The following ABCB11 variants were observed in gnomAD, a reference collection of about 807,000 sequenced individuals.
The protein encoded by ABCB11 is ATP binding cassette subfamily B member 11.
In ABCB11, 95 loss-of-function variants were observed where a neutral mutation model predicts 148.0. The observed-to-expected ratio is 0.64, with a 90% CI of 0.54 to 0.76. The LOEUF is 0.76. ABCB11 is among the 30% of genes least tolerant of loss of function. The pLI, the probability that ABCB11 is intolerant of heterozygous loss-of-function variation, is 0.00. For missense variants in ABCB11, 1,523 were observed against 1,617.8 expected, an observed-to-expected ratio of 0.94 and a Z score of 1.01; for synonymous variants, 591 against 555.4, an observed-to-expected ratio of 1.06 and a Z score of -0.90.
At chr2:168,936,553 C>T in intron 21 of ABCB11, 120 bp from the exon 22 acceptor site, 1 of 846,658 alleles carries the variant, frequency 1.2e-6, no homozygotes, top group Non-Finnish European at 1.8e-6. Context: ...CAATATATAT[C>T]ATTTTAACCA....
intron 19 of ABCB11, among the ~76,000 whole-genome samples, chr2:168,955,985 C>T (rs1227350423): frequency 1.3e-5 from 2 of 151,592 alleles, no homozygotes; most frequent in African/African-American, 2.4e-5. Flanking sequence ...CCTTGTCTCA[C>T]ATCCAGGCCA....
chr2:168,996,572 A>C lies in ABCB11; in HGVS notation c.477+63T>G, dbSNP rs145467600. 381 of 957,782 alleles carry C rather than the reference A, an allele frequency of 4.0e-4. 4 individuals carry two copies. The East Asian group carries it at 0.012, about 30-fold the overall frequency. 59.3% of individuals were successfully genotyped at this position (957,782 alleles called of 1,614,324 possible). A position where few individuals can be genotyped will look rare whatever the true frequency, so the allele number is the denominator to read the frequency against. On this transcript the variant is annotated intron_variant, in intron 6 of 27. Transcript: ENST00000650372. ...AGCTTAAAGAGTGGCAACACATTGC[A>C]TCTCATTGTAGTGTCTTTGAGGTCA...
chr2:168,924,445 C>A (rs1691214425), intron 27 of ABCB11, among the ~76,000 whole-genome samples: 1 of 152,102 alleles, frequency 6.6e-6, no homozygotes. Flanking sequence ...ATCTTAAAAA[C>A]AATTCTTATT....
intron 21 of ABCB11, among the ~76,000 whole-genome samples, chr2:168,942,610 T>A (rs1387604204): frequency 6.6e-6 from 1 of 151,938 alleles, no homozygotes; most frequent in Non-Finnish European, 1.5e-5. Context: ...ACTAAGAGTG[T>A]AATTGGATTG....
chr2:168,961,911 C>T (rs929544376), intron 18 of ABCB11, among the ~76,000 whole-genome samples: 3 of 151,610 alleles, frequency 2.0e-5, no homozygotes, highest in Admixed American at 6.6e-5. Context: ...AGGCCTTTTC[C>T]ATCAACATGA....
intron 1 of ABCB11, among the ~76,000 whole-genome samples, chr2:169,028,704 A>G (rs1263057185): frequency 6.6e-6 from 1 of 151,940 alleles, no homozygotes; most frequent in Non-Finnish European, 1.5e-5. Context: ...ATATGATCAA[A>G]TTTATACTTA....
In ABCB11 at chr2:168,968,509, G is replaced by A. The variant is rs773124254; in HGVS notation, c.2012-19C>T. On this transcript the variant is annotated intron_variant, in intron 16 of 27. Coordinates refer to ENST00000650372, the MANE Select transcript of ABCB11 (RefSeq NM_003742.4). ...GTTGCATCTACTCAACACAGCATGA[G>A]CAATTTTTTAGTATATACAATAAAC... 1.0e-5 allele frequency: 16 copies of A among 1,602,200 alleles called. No individual in the cohort carries two copies. The Admixed American group carries it at 2.5e-4, about 25-fold the overall frequency.
chr2:169,026,490 A>G (rs1695699936), intron 1 of ABCB11, among the ~76,000 whole-genome samples: 2 of 152,346 alleles, frequency 1.3e-5, no homozygotes, highest in East Asian at 3.9e-4. Context: ...TGTACCCACA[A>G]AAACACTGGG....
intron 19 of ABCB11, among the ~76,000 whole-genome samples, chr2:168,957,414 C>T (rs1574431038): frequency 6.6e-6 from 1 of 151,658 alleles, no homozygotes; most frequent in African/African-American, 2.4e-5. Flanking sequence ...AGATAGAGAA[C>T]ATAAGAAATT....
At chr2:168,962,002 C>T (rs1010601228) in intron 18 of ABCB11, among the ~76,000 whole-genome samples, 1 of 151,660 alleles carries the variant, frequency 6.6e-6, no homozygotes, top group African/African-American at 2.4e-5. Context: ...CAAAACAGAG[C>T]AACATTTTAC....
At chr2:168,973,396 G>C (rs1693678715) in intron 13 of ABCB11, among the ~76,000 whole-genome samples, 1 of 151,940 alleles carries the variant, frequency 6.6e-6, no homozygotes, top group Non-Finnish European at 1.5e-5. Flanking sequence ...ACATATATCA[G>C]ATTTCTATAC....
chr2:168,964,181 C>T lies in ABCB11; in HGVS notation c.2178+25G>A. On this transcript the variant is annotated intron_variant, in intron 18 of 27. Transcript: ENST00000650372. ...CCCCAGGAGAGACTTCTTCCATTCC[C>T]CCCCATAAGCAGTTGGTGCCTGACC... The T allele has an allele frequency of 4.0e-6, 6 of 1,513,088 alleles. No homozygotes were observed. In the South Asian group the frequency reaches 4.8e-5, roughly 12 times the overall value. 93.7% of individuals were successfully genotyped at this position (1,513,088 alleles called of 1,614,324 possible). A position where few individuals can be genotyped will look rare whatever the true frequency, so the allele number is the denominator to read the frequency against.
chr2:168,998,929 C>T (rs1418504711), intron 5 of ABCB11, among the ~76,000 whole-genome samples: 1 of 152,016 alleles, frequency 6.6e-6, no homozygotes, highest in Admixed American at 6.6e-5. Context: ...ACAGAAAAAA[C>T]CTATCAGAAA....
chr2:168,969,595 G>A, intron 15 of ABCB11, 44 bp from the exon 16 acceptor site: 2 of 1,512,106 alleles, frequency 1.3e-6, no homozygotes, highest in Non-Finnish European at 1.8e-6. Flanking sequence ...CTGTGAGACA[G>A]AGCTGACACT....
At chr2:168,925,132 T>C (rs1204423508) in intron 26 of ABCB11, among the ~76,000 whole-genome samples, 2 of 152,238 alleles carry the variant, frequency 1.3e-5, no homozygotes, top group Admixed American at 1.3e-4. Context: ...TCTCTGATTC[T>C]AGATTCTTAT....
chr2:168,986,242 T>C lies in ABCB11; in HGVS notation c.951A>G (p.Arg317=). The change falls in exon 10 of 28, where the codon AGA becomes AGG. Residue 317 remains arginine (R), a synonymous_variant. Coordinates refer to ENST00000650372, the MANE Select transcript of ABCB11 (RefSeq NM_003742.4). ...TAAAGAATCCCATCACTATTCCTTT[T>C]CTAATTCCCCAACGCTGGGCGAACA... is the stretch of plus-strand genomic sequence containing the variant. The part of the protein sequence containing the change: ...NLVFAQRWGI[R]KGIVMGFFTG... 6.2e-7 allele frequency: 1 copy of C among 1,613,280 alleles called. No homozygotes were observed. The highest frequency in any genetic ancestry group is 1.7e-4 in the Middle Eastern group (1 of 5,908).
chr2:168,986,723 C>T (rs904170210), intron 9 of ABCB11, among the ~76,000 whole-genome samples: 6 of 152,050 alleles, frequency 3.9e-5, no homozygotes, highest in African/African-American at 1.4e-4. Context: ...GTGTTTGCAC[C>T]AACTCATCTA....
rs114975724 is a variant in ABCB11, at chr2:169,012,359, T to C, written c.389+913A>G. Among the ~76,000 whole-genome samples the C allele has an allele frequency of 5.4e-3, 826 of 152,250 alleles. 3 individuals are homozygous for C. Among genetic ancestry groups the C allele is most frequent in the African/African-American group, 0.018 (733 of 41,540 alleles). On this transcript the variant is annotated intron_variant, in intron 5 of 27. Transcript: ENST00000650372. ...AGCCCTGAGTACACGACAGACTCAC[T>C]GATTACAAGGTGGCCTGTCAGGCTT...
At chr2:168,950,696 G>A (rs1383438552) in intron 19 of ABCB11, among the ~76,000 whole-genome samples, 1 of 151,700 alleles carries the variant, frequency 6.6e-6, no homozygotes. Context: ...TGGATGTAAT[G>A]TTTGTAAATA....
Sources: gnomAD v4.1 joint callset for allele counts (sites outside exome capture counted in the v4.1 genomes callset) on GRCh38, gnomAD v4.1.1 for gene constraint, MANE v1.5 for transcripts, NCBI Gene and HGNC (gene_info 2026-07-23, HGNC 2026-07-21) for gene names.